Variants in ARMC3 observed in about 807,000 individuals in gnomAD.
ARMC3 encodes armadillo repeat-containing protein 3.
A neutral mutation model predicts 90.3 loss-of-function variants in ARMC3; 74 were observed. The ratio of observed to expected loss-of-function variants is 0.82; its 90% CI spans 0.68 to 0.99. ARMC3 has a LOEUF of 0.99. Ranked by LOEUF, ARMC3 falls within the 50% of genes least tolerant of loss-of-function variation. The pLI, the probability that ARMC3 is intolerant of heterozygous loss-of-function variation, is 0.00. For missense variants in ARMC3, 958 were observed against 1,042.8 expected (o/e 0.92, Z 1.12); for synonymous variants, 334 against 361.8 (o/e 0.92, Z 0.87).
chr10:22,970,322 G>T lies in ARMC3; in HGVS notation c.916+1833G>T, dbSNP rs555756426. On this transcript the variant is annotated intron_variant, in intron 8 of 18. Transcript: ENST00000298032. ...TAAAAGCCAGAGGAGGGATAACATG[G>T]TAAGTTCCAGAACCGAAAGTTTTCA... Among the ~76,000 whole-genome samples, 57 of 152,314 alleles carry T rather than the reference G, an allele frequency of 3.7e-4. No individual in the cohort carries two copies. In the Middle Eastern group the frequency reaches 0.01, roughly 27 times the overall value.
In ARMC3 at chr10:23,037,541, A is replaced by C; in HGVS notation, c.*62A>C. 4 of 1,292,444 alleles carry C rather than the reference A, an allele frequency of 3.1e-6. No homozygotes were observed. The highest frequency in any genetic ancestry group is 2.5e-5 in the Admixed American group (1 of 40,668). 80.1% of individuals were successfully genotyped at this position (1,292,444 alleles called of 1,614,324 possible). On this transcript the variant is annotated 3_prime_UTR_variant, in exon 19 of 19. Coordinates refer to ENST00000298032, the MANE Select transcript of ARMC3 (RefSeq NM_173081.5). ...ATTCACTGTGTACACTCTCTAAGACATTCTCCAAATTGATTTTATCTCTTT... is the reference window on the plus strand; with the variant it reads ...ATTCACTGTGTACACTCTCTAAGACCTTCTCCAAATTGATTTTATCTCTTT...
intron 4 of ARMC3, among the ~76,000 whole-genome samples, chr10:22,957,171 A>C (rs931238987): frequency 7.9e-5 from 12 of 152,196 alleles, no homozygotes; most frequent in African/African-American, 2.9e-4. Context: ...ATTCTTTCCT[A>C]GTCTTCCTGC....
intron 13 of ARMC3, among the ~76,000 whole-genome samples, chr10:23,005,972 G>T (rs567514020): frequency 2.6e-5 from 4 of 152,260 alleles, no homozygotes; most frequent in African/African-American, 9.6e-5. Flanking sequence ...GAGGTGGGCG[G>T]TTGCAATTTT....
chr10:23,017,323 C>G (rs1300751831), intron 16 of ARMC3, among the ~76,000 whole-genome samples: 1 of 152,098 alleles, frequency 6.6e-6, no homozygotes, highest in Non-Finnish European at 1.5e-5. Context: ...TTTTTCTATT[C>G]TTTTCTTCAA....
chr10:22,932,102 G>T, intron 2 of ARMC3, 58 bp downstream of exon 2: 1 of 1,483,434 alleles, frequency 6.7e-7, no homozygotes, highest in Non-Finnish European at 9.2e-7. Flanking sequence ...AAAATAAATT[G>T]TTCACACAGT....
At chr10:23,001,729 C>G (rs1194464857) in intron 11 of ARMC3, among the ~76,000 whole-genome samples, 190 bp from the exon 12 acceptor site, 1 of 152,116 alleles carries the variant, frequency 6.6e-6, no homozygotes, top group Admixed American at 6.5e-5. Context: ...GCCCGAAAAC[C>G]GGGCTTCTCT....
chr10:22,933,800 G>A (rs1834020637), intron 2 of ARMC3, among the ~76,000 whole-genome samples: 1 of 152,152 alleles, frequency 6.6e-6, no homozygotes, highest in African/African-American at 2.4e-5. Context: ...TAGGAGAATG[G>A]TGTGAACCTG....
chr10:22,964,440 AT>A (rs112985563), intron 7 of ARMC3, among the ~76,000 whole-genome samples: 7,059 of 138,372 alleles, frequency 0.051, 358 homozygotes, highest in African/African-American at 0.14. Flanking sequence ...TGTAGTGTTA[AT>A]TTTTTTTTTT....
In ARMC3 at chr10:23,002,033, G is replaced by A; in HGVS notation, c.1540G>A (p.Ala514Thr). 2 of 1,613,784 alleles carry A rather than the reference G, an allele frequency of 1.2e-6. No individual in the cohort carries two copies. Among genetic ancestry groups the A allele is most frequent in the African/African-American group, 1.3e-5 (1 of 75,016 alleles). Reference protein sequence around the residue: ...VMVCAGDELTANELCRLGALD... With the variant: ...VMVCAGDELTTNELCRLGALD... ...GGTCTGTGCTGGTGACGAGCTGACG[G>A]CCAATGAATTATGCAGGCTCGGGTG... Residue 514 changes from alanine (A) to threonine (T), a missense_variant, in exon 12 of 19, where the codon GCC becomes ACC. Physicochemically the swap from Ala to Thr is moderately conservative, Grantham distance 58. Transcript: ENST00000298032.
intron 7 of ARMC3, among the ~76,000 whole-genome samples, chr10:22,964,471 GCT>G (rs1412667107): frequency 1.4e-5 from 2 of 140,052 alleles, no homozygotes; most frequent in African/African-American, 2.7e-5. Context: ...ATGGAGCCTT[GCT>G]CTGTCACCCA....
Position 22,998,347 on chromosome 10 carries a change from G to A in ARMC3, c.1375G>A (p.Ala459Thr). The A allele has an allele frequency of 1.2e-6, 2 of 1,613,992 alleles. No individual in the cohort carries two copies. The highest frequency in any genetic ancestry group is 1.7e-6 in the Non-Finnish European group (2 of 1,179,954). The change falls in exon 11 of 19, where the codon GCT becomes ACT. Residue 459 changes from alanine to threonine, a missense_variant. Physicochemically the swap from Ala to Thr is moderately conservative, Grantham distance 58 (BLOSUM62 0). Transcript: ENST00000298032. ...TGCAAACACAGTCGTGCAGAGCAAA[G>A]CTGCTCTCGCTGTCACCGCAACTGC... is the stretch of plus-strand genomic sequence containing the variant. ...RSANTVVQSK[A>T]ALAVTATACD...
At chr10:22,931,875 T>C (rs1385899280) in intron 1 of ARMC3, 121 bp from the exon 2 acceptor site, 5 of 741,732 alleles carry the variant, frequency 6.7e-6, no homozygotes, top group South Asian at 3.6e-5. Flanking sequence ...TTTACATGTA[T>C]TGCATTGTGT....
chr10:22,994,076 A>G (rs543400142), intron 10 of ARMC3, among the ~76,000 whole-genome samples: 201 of 152,356 alleles, frequency 1.3e-3, no homozygotes, highest in African/African-American at 4.5e-3. Flanking sequence ...ATTTTTAAAC[A>G]AAAAGAAATG....
At chr10:23,028,256 T>C (rs966719889) in intron 16 of ARMC3, among the ~76,000 whole-genome samples, 3 of 152,264 alleles carry the variant, frequency 2.0e-5, no homozygotes, top group African/African-American at 7.2e-5. Context: ...ATCTTCATTA[T>C]GCTATTAAAC....
At position 23,006,875 on chromosome 10, in the gene ARMC3, A is replaced by G; in HGVS notation, c.1732-9A>G. The G allele has an allele frequency of 6.2e-7, 1 of 1,613,604 alleles. No homozygotes were observed. Among genetic ancestry groups the G allele is most frequent in the Non-Finnish European group, 8.5e-7 (1 of 1,179,578 alleles). Reference sequence around the variant, plus strand: ...GATACTACTTTTTGGTCCTTAAATTATCTCACAGATAAATCCCGGCACCAA... The same window carrying G: ...GATACTACTTTTTGGTCCTTAAATTGTCTCACAGATAAATCCCGGCACCAA... On this transcript the variant is annotated splice_polypyrimidine_tract_variant and intron_variant, in intron 13 of 18. Transcript: ENST00000298032.
At chr10:23,019,524 CTGT>C (rs1838422244) in intron 16 of ARMC3, among the ~76,000 whole-genome samples, 1 of 152,054 alleles carries the variant, frequency 6.6e-6, no homozygotes, top group Non-Finnish European at 1.5e-5. Flanking sequence ...TTCTCTGTTA[CTGT>C]TGTTTTTCTG....
intron 16 of ARMC3, among the ~76,000 whole-genome samples, chr10:23,010,277 T>C (rs1837867182): frequency 2.3e-5 from 3 of 133,276 alleles, no homozygotes; most frequent in African/African-American, 2.8e-5. Context: ...TCCCTTCCCT[T>C]CCCTCTCTTT....
chr10:23,033,252 C>T (rs1376034680), intron 18 of ARMC3, among the ~76,000 whole-genome samples: 1 of 152,058 alleles, frequency 6.6e-6, no homozygotes, highest in Non-Finnish European at 1.5e-5. Context: ...CAACAGACTA[C>T]TAGAAGCATA....
intron 16 of ARMC3, among the ~76,000 whole-genome samples, chr10:23,014,666 T>C (rs976598263): frequency 6.6e-6 from 1 of 152,090 alleles, no homozygotes; most frequent in Admixed American, 6.5e-5. Context: ...TGGATGGAGC[T>C]GGAAGTCATT....
Sources: allele counts gnomAD v4.1 joint callset (sites outside exome capture counted in the v4.1 genomes callset), GRCh38; gene constraint gnomAD v4.1.1; transcripts MANE v1.5; gene names NCBI Gene and HGNC (gene_info 2026-07-23, HGNC 2026-07-21).